Variants in WWP2 observed in about 807,000 individuals in gnomAD.
The protein encoded by WWP2 is NEDD4-like E3 ubiquitin-protein ligase WWP2.
A neutral mutation model predicts 121.0 loss-of-function variants in WWP2; 57 were observed. That is an observed-to-expected ratio of 0.47 (90% CI 0.38 to 0.59). The LOEUF is 0.59. Among genes scored for constraint, WWP2 ranks in the 20% least tolerant of loss-of-function variants. WWP2 has a pLI of 0.00. For synonymous variants in WWP2, 449 were observed against 441.3 expected (o/e 1.02, Z -0.22); for missense variants, 962 against 1,158.9 (o/e 0.83, Z 2.47).
chr16:69,895,562 G>A (rs544540109), intron 8 of WWP2, among the ~76,000 whole-genome samples: 35 of 152,190 alleles, frequency 2.3e-4, no homozygotes, highest in African/African-American at 8.4e-4. Flanking sequence ...CCAGGAGTTC[G>A]AGACCAGCCT....
chr16:69,890,978 G>C (rs1449869526), intron 8 of WWP2: 1 of 152,186 alleles, frequency 6.6e-6, no homozygotes, highest in Non-Finnish European at 1.5e-5. Flanking sequence ...CATGTACGAT[G>C]GTCCAGAGAA....
chr16:69,832,232 G>A (rs2056806294), intron 4 of WWP2, among the ~76,000 whole-genome samples: 1 of 152,120 alleles, frequency 6.6e-6, no homozygotes, highest in African/African-American at 2.4e-5. Context: ...CACAGAGGTG[G>A]AAAAACAGTC....
At chr16:69,817,902 C>A (rs762040586) in intron 4 of WWP2, among the ~76,000 whole-genome samples, 39 of 151,640 alleles carry the variant, frequency 2.6e-4, no homozygotes, top group Admixed American at 5.9e-4. Context: ...AGCCTAAATT[C>A]TTGTAAAGAT....
At chr16:69,840,101 C>T in intron 4 of WWP2, 25 bp from the exon 5 acceptor site, 1 of 1,613,924 alleles carries the variant, frequency 6.2e-7, no homozygotes, top group Middle Eastern at 1.6e-4. Flanking sequence ...TTTAGCCCAT[C>T]CATGTTGCCT....
chr16:69,934,615 G>A (rs2058767806), intron 17 of WWP2, among the ~76,000 whole-genome samples: 1 of 152,018 alleles, frequency 6.6e-6, no homozygotes, highest in African/African-American at 2.4e-5. Flanking sequence ...CACTGTCACG[G>A]CATTTGGGAA....
At chr16:69,903,370 C>T (rs1482807874) in intron 8 of WWP2, among the ~76,000 whole-genome samples, 1 of 152,126 alleles carries the variant, frequency 6.6e-6, no homozygotes, top group Non-Finnish European at 1.5e-5. Flanking sequence ...AAAACGTTAG[C>T]CAAAGTGTAA....
At chr16:69,779,523 T>A (rs528008665) in intron 1 of WWP2, among the ~76,000 whole-genome samples, 14 of 152,340 alleles carry the variant, frequency 9.2e-5, no homozygotes, top group Admixed American at 2.6e-4. Flanking sequence ...TTTATCTGAT[T>A]GTTTTAGTTT....
chr16:69,888,116 T>C lies in WWP2; in HGVS notation c.781T>C (p.Leu261=), dbSNP rs755307917. 1 of 1,614,190 alleles carries C rather than the reference T, an allele frequency of 6.2e-7. No individual in the cohort carries two copies. Among genetic ancestry groups the C allele is most frequent in the Non-Finnish European group, 8.5e-7 (1 of 1,180,032 alleles). Residue 261 remains leucine (L), a synonymous_variant, in exon 8 of 24, where the codon TTG becomes CTG. Transcript: ENST00000359154. ...VGVTSPPAAP[L]SVTPNPNTTS... ...TGTGACGTCCCCACCTGCTGCACCC[T>C]TGAGTGTGACCCCGAATCCCAACAC...
At chr16:69,901,266 T>C (rs1053596059) in intron 8 of WWP2, among the ~76,000 whole-genome samples, 3 of 152,242 alleles carry the variant, frequency 2.0e-5, no homozygotes, top group Non-Finnish European at 2.9e-5. Flanking sequence ...TGATTTTATG[T>C]AGCTTTTGCC....
intron 6 of WWP2, among the ~76,000 whole-genome samples, chr16:69,850,285 G>C (rs374780944): frequency 1.7e-4 from 26 of 151,920 alleles, no homozygotes; most frequent in African/African-American, 5.8e-4. Flanking sequence ...TACTCGGGAG[G>C]CTGAGGCAGG....
At chr16:69,865,905 C>G (rs1318854240) in intron 6 of WWP2, among the ~76,000 whole-genome samples, 1 of 152,176 alleles carries the variant, frequency 6.6e-6, no homozygotes, top group Non-Finnish European at 1.5e-5. Flanking sequence ...TGTGTGGAAA[C>G]CACAAAAGGG....
At chr16:69,904,545 T>A (rs8050175) in intron 8 of WWP2, among the ~76,000 whole-genome samples, 2,518 of 151,962 alleles carry the variant, frequency 0.017, 66 homozygotes, top group African/African-American at 0.056. Flanking sequence ...TTTAAAAAAA[T>A]TTTTTTATAG....
chr16:69,862,708 CTTTTTTTT>C (rs546868069), intron 6 of WWP2, among the ~76,000 whole-genome samples: 18 of 76,530 alleles, frequency 2.4e-4, no homozygotes, highest in African/African-American at 7.5e-4. Flanking sequence ...GCCATGAATT[CTTTTTTTT>C]TTTTTTTTTT....
intron 7 of WWP2, among the ~76,000 whole-genome samples, chr16:69,874,814 T>A (rs974621892): frequency 2.6e-5 from 4 of 152,214 alleles, no homozygotes; most frequent in African/African-American, 9.7e-5. Context: ...TCATCTTTAA[T>A]GCGTTTAAGG....
At position 69,841,909 on chromosome 16, in the gene WWP2, G is replaced by C; in HGVS notation, c.479-115G>C. ...GCAGCTTGCCGGATGTCCATATCCC[G>C]TGGTGGTGGGCAACTCTAACACACA... On this transcript the variant is annotated intron_variant, in intron 5 of 23. Coordinates refer to ENST00000359154, the MANE Select transcript of WWP2 (RefSeq NM_001270454.2). 4.1e-6 allele frequency: 4 copies of C among 974,548 alleles called. No individual in the cohort carries two copies. The South Asian group carries it at 6.1e-5, about 15-fold the overall frequency. The allele number at this position is 974,548 out of a possible 1,614,324, so 60.4% of individuals were successfully genotyped here. A position where few individuals can be genotyped will look rare whatever the true frequency, so the allele number is the denominator to read the frequency against.
chr16:69,792,997 C>A lies in WWP2; in HGVS notation c.71-5685C>A, dbSNP rs117045658. On this transcript the variant is annotated intron_variant, in intron 2 of 23. Coordinates refer to ENST00000359154, the MANE Select transcript of WWP2 (RefSeq NM_001270454.2). The stretch of plus-strand genomic sequence containing the variant: ...GAGCCACTGTGCCTGGCCTTTAAAC[C>A]GAATCTAATCATGAGGAAACAATTG... Among the ~76,000 whole-genome samples, 1,412 of 152,202 alleles carry A rather than the reference C, an allele frequency of 9.3e-3. 7 individuals carry two copies. Among genetic ancestry groups the A allele is most frequent in the Non-Finnish European group, 0.016 (1,098 of 68,014 alleles).
chr16:69,826,958 G>GTT (rs2056710312), intron 4 of WWP2, among the ~76,000 whole-genome samples: 1 of 123,356 alleles, frequency 8.1e-6, no homozygotes, highest in African/African-American at 2.8e-5. Context: ...AAAAAAAGGG[G>GTT]GGGGGGCGGA....
intron 4 of WWP2, chr16:69,828,109 G>C (rs1385618268): frequency 2.8e-6 from 1 of 359,810 alleles, no homozygotes; most frequent in East Asian, 7.3e-5. Flanking sequence ...TAGCTGGATG[G>C]GCCTTGCCTA....
chr16:69,789,503 C>T (rs771762629), intron 2 of WWP2, among the ~76,000 whole-genome samples: 4 of 152,190 alleles, frequency 2.6e-5, no homozygotes, highest in African/African-American at 4.8e-5. Context: ...GCTGGGATTA[C>T]GGGCGTGAGC....
Sources: allele counts gnomAD v4.1 joint callset (sites outside exome capture counted in the v4.1 genomes callset), GRCh38; gene constraint gnomAD v4.1.1; transcripts MANE v1.5; gene names NCBI Gene and HGNC (gene_info 2026-07-23, HGNC 2026-07-21).